Variants in DYNC2H1 observed in about 807,000 individuals in gnomAD.
DYNC2H1 encodes the protein dynein cytoplasmic 2 heavy chain 1.
In DYNC2H1, 410 loss-of-function variants were observed where a neutral mutation model predicts 570.0. The ratio of observed to expected loss-of-function variants is 0.72; its 90% CI spans 0.66 to 0.78. The LOEUF (loss-of-function observed/expected upper bound fraction) is 0.78, where lower values mean the gene tolerates loss of function less well. Among genes scored for constraint, DYNC2H1 ranks in the 30% least tolerant of loss-of-function variants. The probability of loss-of-function intolerance (pLI) is 0.00; values close to 1 mark genes in which losing one functional copy is unlikely to be tolerated. For synonymous variants in DYNC2H1, 1,688 were observed against 1,677.6 expected, an observed-to-expected ratio of 1.01 and a Z score of -0.15; for missense variants, 4,865 against 5,046.4, an observed-to-expected ratio of 0.96 and a Z score of 1.09.
intron 81 of DYNC2H1, among the ~76,000 whole-genome samples, chr11:103,323,270 C>A (rs553299519): frequency 6.6e-6 from 1 of 152,282 alleles, no homozygotes; most frequent in South Asian, 2.1e-4. Context: ...GAATGCTCAA[C>A]AAGCCAAGCT....
At chr11:103,444,119 T>C (rs1944354437) in intron 85 of DYNC2H1, among the ~76,000 whole-genome samples, 1 of 150,388 alleles carries the variant, frequency 6.6e-6, no homozygotes. Context: ...ATTTCTTGAC[T>C]AAAATGTTTC....
rs1035555077 is a variant in DYNC2H1 at position 103,264,055 on chromosome 11, C to G, written c.10695+4078C>G. On this transcript the variant is annotated intron_variant, in intron 70 of 88. Transcript: ENST00000375735. The surrounding 1 kb of genome is among the most constrained non-coding windows in gnomAD (Gnocchi z 4.8). ...CCGATCCCACAGAAATACAAACTAC[C>G]ATCAGAGAATACTATAAACACCTCT... Among the ~76,000 whole-genome samples, 4 of 152,066 alleles carry G rather than the reference C, an allele frequency of 2.6e-5. No individual in the cohort carries two copies. The highest frequency in any genetic ancestry group is 4.4e-5 in the Non-Finnish European group (3 of 67,994).
intron 50 of DYNC2H1, among the ~76,000 whole-genome samples, chr11:103,200,616 T>C (rs1409520883): frequency 1.3e-5 from 2 of 152,182 alleles, no homozygotes; most frequent in Non-Finnish European, 2.9e-5. Context: ...GTGGCATGGT[T>C]GTATAACTAT....
chr11:103,211,758 TAA>T lies in DYNC2H1; in HGVS notation c.8540-30_8540-29del, dbSNP rs1591415887. On this transcript the variant is annotated intron_variant, in intron 53 of 88. Transcript: ENST00000375735. ...TATTTTTAATGAATCATACATATAA[TAA>T]GTTATTTTTATTTTCTATTTTTTTC... is the stretch of plus-strand genomic sequence containing the variant. 4.2e-6 allele frequency: 4 copies of T among 945,616 alleles called. No homozygotes were observed. The East Asian group carries it at 8.5e-5, about 20-fold the overall frequency. 58.6% of individuals were successfully genotyped at this position (945,616 alleles called of 1,614,324 possible).
intron 65 of DYNC2H1, among the ~76,000 whole-genome samples, chr11:103,253,046 A>G (rs1009817149): frequency 2.6e-5 from 4 of 152,198 alleles, no homozygotes; most frequent in African/African-American, 9.6e-5. Context: ...ATGAGAATAG[A>G]TATTCCTTGG....
intron 82 of DYNC2H1, among the ~76,000 whole-genome samples, chr11:103,328,693 A>C (rs1267170752): frequency 6.6e-6 from 1 of 152,202 alleles, no homozygotes; most frequent in Non-Finnish European, 1.5e-5. Context: ...ATCTACTGCA[A>C]ATTGTTGATT....
At position 103,203,880 on chromosome 11, in the gene DYNC2H1, C is replaced by G; in HGVS notation, c.8311+104C>G. On this transcript the variant is annotated intron_variant, in intron 51 of 88. Transcript: ENST00000375735. The surrounding 1 kb of genome is among the most constrained non-coding windows in gnomAD (Gnocchi z 4.7). The stretch of plus-strand genomic sequence containing the variant: ...ATTAGATTGCAAAGGTATCTTAAAT[C>G]TTTTTTCTGGAGCTTTTAGAAAGTA... 5.2e-6 allele frequency: 4 copies of G among 773,118 alleles called. No individual in the cohort carries two copies. Among genetic ancestry groups the G allele is most frequent in the Non-Finnish European group, 5.9e-6 (3 of 504,214 alleles). 47.9% of individuals were successfully genotyped at this position (773,118 alleles called of 1,614,324 possible). A position where few individuals can be genotyped will look rare whatever the true frequency, so the allele number is the denominator to read the frequency against.
Position 103,303,221 on chromosome 11 carries a change from A to G in DYNC2H1, c.11224A>G (p.Asn3742Asp), listed in dbSNP as rs1222042796. 1 of 1,612,550 alleles carries G rather than the reference A, an allele frequency of 6.2e-7. No homozygotes were observed. Among genetic ancestry groups the G allele is most frequent in the East Asian group, 2.2e-5 (1 of 44,844 alleles). ...DPSQELQELA[N>D]AERSGECYHQ... ...TTCTCAGGAACTTCAAGAACTAGCTAATGCTGAAAGAAGCGGAGAGTGTTA... is the reference window on the plus strand; with the variant it reads ...TTCTCAGGAACTTCAAGAACTAGCTGATGCTGAAAGAAGCGGAGAGTGTTA... The change falls in exon 76 of 89, where the codon AAT becomes GAT. Residue 3742 changes from asparagine (N) to aspartate (D), a missense_variant. Coordinates refer to ENST00000375735, the MANE Select transcript of DYNC2H1 (RefSeq NM_001377.3).
chr11:103,199,524 G>A lies in DYNC2H1; in HGVS notation c.8088+48G>A, dbSNP rs1862633993. The A allele has an allele frequency of 1.4e-6, 2 of 1,446,310 alleles. No individual in the cohort carries two copies. Among genetic ancestry groups the A allele is most frequent in the Non-Finnish European group, 1.8e-6 (2 of 1,097,356 alleles). 89.6% of individuals were successfully genotyped at this position (1,446,310 alleles called of 1,614,324 possible). A position where few individuals can be genotyped will look rare whatever the true frequency, so the allele number is the denominator to read the frequency against. ...CTTTATTTGGTTTTAAATTACATTG[G>A]TTATTACTCTAAACATCTTTAAAGA... On this transcript the variant is annotated intron_variant, in intron 49 of 88. Coordinates refer to ENST00000375735, the MANE Select transcript of DYNC2H1 (RefSeq NM_001377.3). This position sits in a 1 kb window ranked among gnomAD's most constrained non-coding sequence, Gnocchi z 4.6.
Position 103,280,072 on chromosome 11 carries a change from A to G in DYNC2H1, c.10696-276A>G, listed in dbSNP as rs531827074. Among the ~76,000 whole-genome samples the G allele has an allele frequency of 6.6e-6, 1 of 152,196 alleles. No homozygotes were observed. Among genetic ancestry groups the G allele is most frequent in the South Asian group, 2.1e-4 (1 of 4,816 alleles). ...AACTATATTAATGTTTCACCTGGCT[A>G]AGTTAGTTTTGTTTTGTTTTTTAAT... is the stretch of plus-strand genomic sequence containing the variant. On this transcript the variant is annotated intron_variant, in intron 70 of 88. Transcript: ENST00000375735. The surrounding 1 kb of genome is among the most constrained non-coding windows in gnomAD (Gnocchi z 4.7).
chr11:103,129,079 C>G lies in DYNC2H1; in HGVS notation c.1953+74C>G. 1 of 1,283,078 alleles carries G rather than the reference C, an allele frequency of 7.8e-7. No individual in the cohort carries two copies. The highest frequency in any genetic ancestry group is 1.9e-4 in the Middle Eastern group (1 of 5,198). 79.5% of individuals were successfully genotyped at this position (1,283,078 alleles called of 1,614,324 possible). On this transcript the variant is annotated intron_variant, in intron 13 of 88. Transcript: ENST00000375735. The surrounding 1 kb of genome is among the most constrained non-coding windows in gnomAD (Gnocchi z 4.1). ...TTTAATTCTTAATTTTCCGGTGTTC[C>G]CTTCAGCTTAATATATCAAATGATC...
chr11:103,302,751 C>T (rs1239012375), intron 75 of DYNC2H1, among the ~76,000 whole-genome samples: 1 of 151,986 alleles, frequency 6.6e-6, no homozygotes, highest in Admixed American at 6.6e-5. Flanking sequence ...TCAGTCTTCT[C>T]TTGCATTGTG....
Position 103,199,958 on chromosome 11 carries a change from C to A in DYNC2H1, c.8089-88C>A. On this transcript the variant is annotated intron_variant, in intron 49 of 88. Transcript: ENST00000375735. This position sits in a 1 kb window ranked among gnomAD's most constrained non-coding sequence, Gnocchi z 4.6. ...TGAATAAATAAACACATGATACTGG[C>A]ATACTTTACATACAAATACAAAATG... The A allele has an allele frequency of 2.6e-6, 2 of 779,968 alleles. No individual in the cohort carries two copies. The highest frequency in any genetic ancestry group is 2.1e-6 in the Non-Finnish European group (1 of 469,110). 48.3% of individuals were successfully genotyped at this position (779,968 alleles called of 1,614,324 possible).
intron 46 of DYNC2H1, 117 bp downstream of exon 46, chr11:103,191,736 T>C (rs763033116): frequency 4.5e-6 from 2 of 440,916 alleles, no homozygotes; most frequent in Non-Finnish European, 7.4e-6. Context: ...TATTATTAAA[T>C]AGAAATATTT....
rs138030523 is a variant in DYNC2H1, at chr11:103,440,144, T to G, written c.12456+4112T>G. 1.3e-3 allele frequency among the ~76,000 whole-genome samples: 194 copies of G among 152,246 alleles called. 1 individual carries two copies. The highest frequency in any genetic ancestry group is 4.5e-3 in the African/African-American group (187 of 41,566). The stretch of plus-strand genomic sequence containing the variant: ...CCTGTAATTTTTATTCCAGCCTTGC[T>G]CATGTGTTGATTTCTATATCCAAGC... On this transcript the variant is annotated intron_variant, in intron 85 of 88. Coordinates refer to ENST00000375735, the MANE Select transcript of DYNC2H1 (RefSeq NM_001377.3).
At position 103,184,877 on chromosome 11, in the gene DYNC2H1, C is replaced by G. The variant is rs368937768; in HGVS notation, c.6478-19C>G. Reference sequence around the variant, plus strand: ...ATAGTTGCCTTTTGTCTGTTTGTATCACGGATTTTAATCAACAGAATGACT... The same window carrying G: ...ATAGTTGCCTTTTGTCTGTTTGTATGACGGATTTTAATCAACAGAATGACT... On this transcript the variant is annotated intron_variant, in intron 40 of 88. Transcript: ENST00000375735. 2 of 1,608,436 alleles carry G rather than the reference C, an allele frequency of 1.2e-6. No individual in the cohort carries two copies. The highest frequency in any genetic ancestry group is 2.7e-5 in the African/African-American group (2 of 74,778).
chr11:103,295,698 T>G (rs1322856862), intron 75 of DYNC2H1, among the ~76,000 whole-genome samples: 1 of 152,238 alleles, frequency 6.6e-6, no homozygotes, highest in Non-Finnish European at 1.5e-5. Context: ...CAACCATCTG[T>G]GCTGAATAGC....
intron 61 of DYNC2H1, among the ~76,000 whole-genome samples, chr11:103,235,227 A>C (rs1864176088): frequency 6.6e-6 from 1 of 151,762 alleles, no homozygotes; most frequent in Non-Finnish European, 1.5e-5. Flanking sequence ...AATTAGCTCT[A>C]TCTCTCTTCT....
chr11:103,361,687 A>G (rs551441052), intron 83 of DYNC2H1, among the ~76,000 whole-genome samples: 59 of 152,336 alleles, frequency 3.9e-4, no homozygotes, highest in African/African-American at 1.3e-3. Flanking sequence ...TTACGGTGGC[A>G]GAGCAGATGA....
Sources: allele counts gnomAD v4.1 joint callset (sites outside exome capture counted in the v4.1 genomes callset), GRCh38; gene constraint gnomAD v4.1.1; non-coding constraint Gnocchi (gnomAD v3.1); transcripts MANE v1.5; gene names NCBI Gene and HGNC (gene_info 2026-07-23, HGNC 2026-07-21).